FAM227B: variants seen among roughly 807,000 people sequenced by gnomAD.
The protein encoded by FAM227B is family with sequence similarity 227 member B, also known as protein FAM227B.
FAM227B carries 88 observed loss-of-function variants against 73.8 expected under a neutral mutation model. That is an observed-to-expected ratio of 1.19 (90% confidence interval 1.00 to 1.42). FAM227B has a LOEUF of 1.42. Among genes scored for constraint, FAM227B ranks in the 40% most tolerant of loss-of-function variants. The probability of loss-of-function intolerance (pLI) is 0.00; values close to 1 mark genes in which losing one functional copy is unlikely to be tolerated. For missense variants in FAM227B, 632 were observed against 590.9 expected (o/e 1.07, Z -0.72); for synonymous variants, 210 against 190.5 (o/e 1.10, Z -0.84).
chr15:49,540,069 G>GTC (rs1361192114), intron 10 of FAM227B, among the ~76,000 whole-genome samples: 5 of 151,656 alleles, frequency 3.3e-5, no homozygotes, highest in South Asian at 2.1e-4. Context: ...GAGCACAGCA[G>GTC]TCTCTCTCTC....
chr15:49,581,369 C>T (rs551320288), intron 5 of FAM227B, among the ~76,000 whole-genome samples: 15 of 151,846 alleles, frequency 9.9e-5, no homozygotes, highest in Admixed American at 9.2e-4. Flanking sequence ...CTCTTGTTGC[C>T]CAGGCTGGAG....
intron 11 of FAM227B, among the ~76,000 whole-genome samples, chr15:49,380,158 T>G (rs1011324355): frequency 2.7e-5 from 4 of 147,034 alleles, no homozygotes; most frequent in African/African-American, 1.1e-4. Flanking sequence ...CCATAGCCAC[T>G]GACACCCCAG....
At chr15:49,592,333 C>T (rs556910641) in intron 3 of FAM227B, among the ~76,000 whole-genome samples, 3 of 152,204 alleles carry the variant, frequency 2.0e-5, no homozygotes, top group African/African-American at 7.2e-5. Context: ...ATGTTGGTGA[C>T]CTACAGAAGA....
chr15:49,538,880 T>C (rs1037074243), intron 10 of FAM227B, among the ~76,000 whole-genome samples: 2 of 152,016 alleles, frequency 1.3e-5, no homozygotes, highest in African/African-American at 4.8e-5. Context: ...TGTGTTCTCT[T>C]TTTAGTTAAC....
chr15:49,476,254 CAT>C (rs2055305918), intron 11 of FAM227B, among the ~76,000 whole-genome samples: 1 of 114,882 alleles, frequency 8.7e-6, no homozygotes, highest in African/African-American at 2.7e-5. Context: ...TTGCATTTGG[CAT>C]ATACTGCCAG....
At chr15:49,508,537 A>T (rs1302157593) in intron 10 of FAM227B, among the ~76,000 whole-genome samples, 189 bp from the exon 11 acceptor site, 2 of 152,128 alleles carry the variant, frequency 1.3e-5, no homozygotes, top group African/African-American at 2.4e-5. Context: ...ATCCTCAGCA[A>T]TAAAAATGAG....
chr15:49,482,487 G>A (rs2056041698), intron 11 of FAM227B, among the ~76,000 whole-genome samples: 1 of 151,894 alleles, frequency 6.6e-6, no homozygotes, highest in African/African-American at 2.4e-5. Flanking sequence ...TTTTAAGGCA[G>A]TAGGCTCTGT....
intron 3 of FAM227B, among the ~76,000 whole-genome samples, chr15:49,603,167 T>A (rs576430530): frequency 6.6e-6 from 1 of 152,332 alleles, no homozygotes; most frequent in African/African-American, 2.4e-5. Flanking sequence ...TTTTCTTTTC[T>A]ATTTCTGTGA....
At chr15:49,405,082 A>G (rs746460907) in intron 11 of FAM227B, among the ~76,000 whole-genome samples, 145 of 152,112 alleles carry the variant, frequency 9.5e-4, no homozygotes, top group Non-Finnish European at 1.3e-3. Context: ...ATTGGCCCCC[A>G]ATCTCTTCTG....
chr15:49,384,368 CCTA>C (rs1195583165), intron 11 of FAM227B, among the ~76,000 whole-genome samples: 1 of 151,946 alleles, frequency 6.6e-6, no homozygotes, highest in Non-Finnish European at 1.5e-5. Flanking sequence ...TACAAAAGTG[CCTA>C]CTGAGTGTTA....
chr15:49,493,203 T>C (rs1434409397), intron 11 of FAM227B, among the ~76,000 whole-genome samples: 1 of 151,998 alleles, frequency 6.6e-6, no homozygotes, highest in African/African-American at 2.4e-5. Flanking sequence ...TCAATTCCTG[T>C]TTAGTTACCT....
At chr15:49,478,633 T>A (rs887979123) in intron 11 of FAM227B, among the ~76,000 whole-genome samples, 2 of 152,178 alleles carry the variant, frequency 1.3e-5, no homozygotes, top group African/African-American at 2.4e-5. Context: ...AATGTTCTGA[T>A]TGGCTAACCA....
At chr15:49,619,868 G>A (rs1354221195) in intron 1 of FAM227B, among the ~76,000 whole-genome samples, 1 of 152,102 alleles carries the variant, frequency 6.6e-6, no homozygotes, top group Non-Finnish European at 1.5e-5. Flanking sequence ...TTGAAATACA[G>A]TAAGAAATAC....
At chr15:49,566,103 A>T (rs74014345) in intron 9 of FAM227B, among the ~76,000 whole-genome samples, 25 of 152,336 alleles carry the variant, frequency 1.6e-4, no homozygotes, top group African/African-American at 5.8e-4. Context: ...TTTTTACAAC[A>T]GTAGTAGGAG....
chr15:49,392,312 A>G (rs2047266456), intron 11 of FAM227B, among the ~76,000 whole-genome samples: 1 of 152,168 alleles, frequency 6.6e-6, no homozygotes, highest in African/African-American at 2.4e-5. Context: ...CTAGTAAAAC[A>G]TAATCTAAGA....
chr15:49,417,309 C>T (rs973335121), intron 11 of FAM227B, among the ~76,000 whole-genome samples: 1 of 152,084 alleles, frequency 6.6e-6, no homozygotes, highest in Non-Finnish European at 1.5e-5. Flanking sequence ...ATCACCTGAG[C>T]CCAGAAACTT....
At chr15:49,349,175 G>GA (rs1250660639) in intron 13 of FAM227B, among the ~76,000 whole-genome samples, 1 of 152,094 alleles carries the variant, frequency 6.6e-6, no homozygotes, top group Non-Finnish European at 1.5e-5. Context: ...GAGTTTGTAA[G>GA]AAAAAATAGC....
At chr15:49,584,599 C>T (rs2076030208) in intron 5 of FAM227B, among the ~76,000 whole-genome samples, 1 of 152,008 alleles carries the variant, frequency 6.6e-6, no homozygotes, top group African/African-American at 2.4e-5. Flanking sequence ...TGACATTATC[C>T]TATACCTAGA....
intron 11 of FAM227B, among the ~76,000 whole-genome samples, chr15:49,467,459 C>G (rs1490032277): frequency 2.6e-5 from 4 of 151,792 alleles, no homozygotes; most frequent in African/African-American, 9.7e-5. Context: ...TACCTCTCAT[C>G]CTATGTAATG....
Sources: gnomAD v4.1 joint callset for allele counts (sites outside exome capture counted in the v4.1 genomes callset) on GRCh38, gnomAD v4.1.1 for gene constraint, MANE v1.5 for transcripts, NCBI Gene and HGNC (gene_info 2026-07-23, HGNC 2026-07-21) for gene names.